Variants in TASOR2 observed in about 807,000 individuals in gnomAD.
TASOR2 encodes protein TASOR 2.
A neutral mutation model predicts 199.5 loss-of-function variants in TASOR2; 84 were observed. The ratio of observed to expected loss-of-function variants is 0.42; its 90% CI spans 0.35 to 0.50. TASOR2 has a LOEUF of 0.50. TASOR2 is among the 20% of genes least tolerant of loss of function. The pLI, the probability that TASOR2 is intolerant of heterozygous loss-of-function variation, is 0.02. For synonymous variants in TASOR2, 1,103 were observed against 1,046.6 expected (o/e 1.05, Z -1.04); for missense variants, 2,796 against 2,835.9 (o/e 0.99, Z 0.32).
At chr10:5,708,659 TC>T (rs1413394182) in intron 1 of TASOR2, among the ~76,000 whole-genome samples, 3 of 115,928 alleles carry the variant, frequency 2.6e-5, no homozygotes, top group African/African-American at 6.7e-5. Context: ...TTCCTTCCTT[TC>T]CTTCCTTTCT....
At chr10:5,761,788 C>CT (rs1165309247) in intron 19 of TASOR2, 1 of 180,648 alleles carries the variant, frequency 5.5e-6, no homozygotes, top group African/African-American at 2.4e-5. Flanking sequence ...AATCCCAGCA[C>CT]TTTGGGAGGC....
chr10:5,720,692 G>T lies in TASOR2; in HGVS notation c.26+24G>T. ...ATGTAAGTAATTATGTGCATGCTTT[G>T]TTTTACTGAATTTGTTCCTTTTACT... On this transcript the variant is annotated intron_variant, in intron 4 of 20. Transcript: ENST00000328090. This position sits in a 1 kb window ranked among gnomAD's most constrained non-coding sequence, Gnocchi z 5.3. 6.2e-7 allele frequency: 1 copy of T among 1,613,784 alleles called. No individual in the cohort carries two copies. The highest frequency in any genetic ancestry group is 2.2e-5 in the East Asian group (1 of 44,866).
intron 1 of TASOR2, among the ~76,000 whole-genome samples, chr10:5,686,370 ACAGTATACTATCTATT>A (rs1399810179): frequency 2.6e-5 from 4 of 152,240 alleles, no homozygotes; most frequent in African/African-American, 4.8e-5. Flanking sequence ...TTTGTTAAAT[ACAGTATACTATCTATT>A]CAGTAAAAAT....
chr10:5,758,997 G>C lies in TASOR2; in HGVS notation c.6992+5G>C, dbSNP rs771979978. ...AAAGCTAAAAGAAGATGAAAGGTAA[G>C]GACTTGCTGTGTGTATGGTTCCTCC... On this transcript the variant is annotated splice_donor_5th_base_variant and intron_variant, in intron 18 of 20. Transcript: ENST00000328090. The C allele has an allele frequency of 3.1e-6, 5 of 1,604,072 alleles. 1 individual carries two copies. The South Asian group carries it at 4.4e-5, about 14-fold the overall frequency.
At chr10:5,739,517 GT>G in intron 12 of TASOR2, 100 bp from the exon 14 acceptor site, 1 of 1,151,972 alleles carries the variant, frequency 8.7e-7, no homozygotes, top group Non-Finnish European at 1.2e-6. Flanking sequence ...TGTTACATAA[GT>G]TTTTCTCAGA....
intron 19 of TASOR2, chr10:5,761,679 C>T (rs1350793715): frequency 8.9e-6 from 5 of 562,918 alleles, no homozygotes. Flanking sequence ...GTATGTAAGT[C>T]AGTTCTAGAT....
At position 5,717,740 on chromosome 10, in the gene TASOR2, A is replaced by G; in HGVS notation, c.-110A>G. 8.4e-7 allele frequency: 1 copy of G among 1,193,206 alleles called. No individual in the cohort carries two copies. The highest frequency in any genetic ancestry group is 1.0e-6 in the Non-Finnish European group (1 of 952,434). The allele number at this position is 1,193,206 out of a possible 1,614,324, so 73.9% of individuals were successfully genotyped here. On this transcript the variant is annotated 5_prime_UTR_variant, in exon 3 of 21. The change abolishes the stop of an existing upstream ORF in the 5' untranslated region. Transcript: ENST00000328090. ...AAATCTGGTTATGTTGTAATTTTTA[A>G]TATAATTAAGGTAAAGCTTAAATGT...
chr10:5,740,075 T>G lies in TASOR2; in HGVS notation c.1905T>G (p.Thr635=), dbSNP rs1170721701. ...CTGCTAAAGCCCAGTCAGCACTTAC[T>G]GAGGAAATGCTAGAATCTTCAGATG... The change falls in exon 13 of 21, where the codon ACT becomes ACG. Residue 635 remains threonine (T), a synonymous_variant. Coordinates refer to ENST00000328090, the Ensembl canonical transcript of TASOR2. The surrounding 1 kb of genome is among the most constrained non-coding windows in gnomAD (Gnocchi z 5.3). 1.9e-6 allele frequency: 3 copies of G among 1,614,058 alleles called. No homozygotes were observed.
intron 15 of TASOR2, among the ~76,000 whole-genome samples, chr10:5,753,901 C>T (rs902920181): frequency 1.1e-4 from 16 of 152,206 alleles, no homozygotes; most frequent in Non-Finnish European, 2.2e-4. Context: ...TATACATCCT[C>T]TACCCTGACA....
At chr10:5,745,723 G>A (rs1244405629) in intron 14 of TASOR2, among the ~76,000 whole-genome samples, 1 of 151,850 alleles carries the variant, frequency 6.6e-6, no homozygotes, top group East Asian at 1.9e-4. Context: ...AGGTTGCAGT[G>A]AGCCAAGATC....
chr10:5,755,718 T>G (rs1274163876), intron 15 of TASOR2, among the ~76,000 whole-genome samples: 2 of 152,054 alleles, frequency 1.3e-5, no homozygotes, highest in Non-Finnish European at 2.9e-5. Context: ...GGTGCCACGG[T>G]TCATGCCCGG....
At chr10:5,724,223 T>G (rs1833741059) in intron 7 of TASOR2, among the ~76,000 whole-genome samples, 2 of 152,154 alleles carry the variant, frequency 1.3e-5, no homozygotes, top group African/African-American at 4.8e-5. Context: ...CCTATAGCAG[T>G]GTCAGTATAA....
rs2797486 is a variant in TASOR2, at chr10:5,740,006, A to T, written c.1836A>T (p.Thr612=). Residue 612 remains threonine (T), a synonymous_variant, in exon 13 of 21, where the codon ACA becomes ACT. Transcript: ENST00000328090. The surrounding 1 kb of genome is among the most constrained non-coding windows in gnomAD (Gnocchi z 5.3). ...AGAGTAATTCTGGATCAGACTTAACAGTTAGCCAAGATGAAGAAAGCTTGG... is the reference window on the plus strand; with the variant it reads ...AGAGTAATTCTGGATCAGACTTAACTGTTAGCCAAGATGAAGAAAGCTTGG... 0.83 allele frequency: 1,347,033 copies of T among 1,614,044 alleles called. 562,989 individuals are homozygous for T. The highest frequency in any genetic ancestry group is 0.89 in the Admixed American group (53,482 of 60,022).
chr10:5,755,046 C>CAAAAAAAA (rs34884255), intron 15 of TASOR2, among the ~76,000 whole-genome samples: 2 of 78,106 alleles, frequency 2.6e-5, no homozygotes, highest in Non-Finnish European at 2.4e-5. Flanking sequence ...ACTCTTGTCT[C>CAAAAAAAA]AAAAAAAAAA....
intron 10 of TASOR2, among the ~76,000 whole-genome samples, chr10:5,729,913 G>C (rs1244760719): frequency 1.3e-5 from 2 of 152,058 alleles, no homozygotes; most frequent in East Asian, 1.9e-4. Flanking sequence ...GTGAAACATA[G>C]ACTAGTCAGT....
At chr10:5,713,880 A>G in intron 2 of TASOR2, 1 of 262,592 alleles carries the variant, frequency 3.8e-6, no homozygotes, top group Non-Finnish European at 7.1e-6. Context: ...GAATACCTAC[A>G]GTGAGCAGAC....
intron 16 of TASOR2, 58 bp downstream of exon 17, chr10:5,756,796 T>C: frequency 6.4e-6 from 10 of 1,554,436 alleles, no homozygotes; most frequent in Non-Finnish European, 8.7e-6. Context: ...TGTTCTGTAA[T>C]GCTCAGACTC....
At chr10:5,692,210 AT>A (rs1836517940) in intron 1 of TASOR2, among the ~76,000 whole-genome samples, 1 of 152,064 alleles carries the variant, frequency 6.6e-6, no homozygotes, top group African/African-American at 2.4e-5. Flanking sequence ...GTATAAATAC[AT>A]TTTTTATTAT....
intron 8 of TASOR2, among the ~76,000 whole-genome samples, chr10:5,726,087 AT>A (rs1834020630): frequency 6.6e-6 from 1 of 152,172 alleles, no homozygotes; most frequent in African/African-American, 2.4e-5. Flanking sequence ...GGTATATTTT[AT>A]TTAGGTGGTT....
Sources: allele counts gnomAD v4.1 joint callset (sites outside exome capture counted in the v4.1 genomes callset), GRCh38; gene constraint gnomAD v4.1.1; non-coding constraint Gnocchi (gnomAD v3.1); transcripts MANE v1.5; gene names NCBI Gene and HGNC (gene_info 2026-07-23, HGNC 2026-07-21).